LRP2: variants seen among roughly 807,000 people sequenced by gnomAD.
LRP2 encodes the protein low-density lipoprotein receptor-related protein 2.
LRP2 carries 172 observed loss-of-function variants against 531.0 expected under a neutral mutation model. The ratio of observed to expected loss-of-function variants is 0.32; its 90% CI spans 0.29 to 0.37. LRP2 has a LOEUF of 0.37. Among genes scored for constraint, LRP2 ranks in the 10% least tolerant of loss-of-function variants. The pLI, the probability that LRP2 is intolerant of heterozygous loss-of-function variation, is 1.00. For synonymous variants in LRP2, 1,992 were observed against 2,027.6 expected (o/e 0.98, Z 0.47); for missense variants, 5,167 against 5,868.3 (o/e 0.88, Z 3.90).
chr2:169,354,786 G>A (rs542387449), intron 1 of LRP2, among the ~76,000 whole-genome samples: 1 of 152,302 alleles, frequency 6.6e-6, no homozygotes, highest in Admixed American at 6.5e-5. Flanking sequence ...ATGGATACGT[G>A]TTCTACCATT....
chr2:169,349,620 T>C (rs1467902862), intron 1 of LRP2, among the ~76,000 whole-genome samples: 1 of 152,154 alleles, frequency 6.6e-6, no homozygotes, highest in Non-Finnish European at 1.5e-5. Context: ...TGCAATCAGC[T>C]CCTTTGGGGT....
At chr2:169,322,599 C>T (rs180784587) in intron 1 of LRP2, among the ~76,000 whole-genome samples, 48 of 152,228 alleles carry the variant, frequency 3.2e-4, no homozygotes, top group Middle Eastern at 3.4e-3. Flanking sequence ...TTTTGTTCTA[C>T]AAAGCAATAT....
At chr2:169,297,730 T>A (rs76155013) in intron 4 of LRP2, among the ~76,000 whole-genome samples, 1 of 152,136 alleles carries the variant, frequency 6.6e-6, no homozygotes, top group Non-Finnish European at 1.5e-5. Context: ...TCTGTTTACA[T>A]AATCAGGGAG....
intron 1 of LRP2, among the ~76,000 whole-genome samples, chr2:169,351,752 T>C (rs965270416): frequency 2.0e-5 from 3 of 152,238 alleles, no homozygotes; most frequent in Admixed American, 2.0e-4. Context: ...CTAGTCAGTA[T>C]AGTTGTGTTT....
At chr2:169,314,799 G>T (rs1194836899) in intron 3 of LRP2, among the ~76,000 whole-genome samples, 1 of 152,138 alleles carries the variant, frequency 6.6e-6, no homozygotes, top group Non-Finnish European at 1.5e-5. Flanking sequence ...TCTGCCCATG[G>T]CAGAGACACA....
intron 34 of LRP2, among the ~76,000 whole-genome samples, chr2:169,219,764 C>A (rs1688921939): frequency 6.6e-6 from 1 of 152,072 alleles, no homozygotes; most frequent in Non-Finnish European, 1.5e-5. Flanking sequence ...GTACAATATA[C>A]CCATGTAACA....
At chr2:169,176,662 T>A (rs969500036) in intron 53 of LRP2, 74 bp from the exon 54 acceptor site, 1 of 1,338,952 alleles carries the variant, frequency 7.5e-7, no homozygotes. Context: ...TGATTACACA[T>A]CTTGACTTTA....
At position 169,209,563 on chromosome 2, in the gene LRP2, G is replaced by C. The variant is rs1688521484; in HGVS notation, c.6359C>G (p.Ser2120Cys). 6.2e-7 allele frequency: 1 copy of C among 1,614,024 alleles called. No individual in the cohort carries two copies. The highest frequency in any genetic ancestry group is 8.5e-7 in the Non-Finnish European group (1 of 1,180,016). Residue 2120 changes from serine (S) to cysteine (C), a missense_variant, in exon 38 of 79, where the codon TCT becomes TGT. Around this residue, in one of 6 missense-constraint regions of LRP2, gnomAD observed 2,811 missense variants for 3,058.0 expected, o/e 0.92. Coordinates refer to ENST00000649046, the MANE Select transcript of LRP2 (RefSeq NM_004525.3). The stretch of plus-strand genomic sequence containing the variant: ...TTTAATTCTACGGATCGCATTATCA[G>C]ATGCCACTGAGCTGCTAAAATCACA... ...YWCDFSSSVA[S>C]DNAIRRIKPD...
At chr2:169,327,768 C>A (rs1218426017) in intron 1 of LRP2, among the ~76,000 whole-genome samples, 5 of 126,906 alleles carry the variant, frequency 3.9e-5, no homozygotes, top group Non-Finnish European at 6.9e-5. Context: ...GGGGGTCAGC[C>A]CCCCGCCCGG....
intron 10 of LRP2, among the ~76,000 whole-genome samples, chr2:169,281,259 CA>C (rs1465446686): frequency 6.6e-6 from 1 of 151,990 alleles, no homozygotes; most frequent in East Asian, 1.9e-4. Context: ...CTGTTTCTAC[CA>C]AAAATACAAA....
chr2:169,217,761 T>C (rs546517114), intron 34 of LRP2, among the ~76,000 whole-genome samples: 5 of 152,198 alleles, frequency 3.3e-5, no homozygotes, highest in Non-Finnish European at 7.4e-5. Context: ...GTCATTCTAC[T>C]TCATAAATTT....
At chr2:169,254,435 T>C (rs1370842222) in intron 19 of LRP2, among the ~76,000 whole-genome samples, 1 of 70,494 alleles carries the variant, frequency 1.4e-5, no homozygotes, top group Non-Finnish European at 2.5e-5. Context: ...TAGGTGGGAA[T>C]TGAACAATGA....
At position 169,188,157 on chromosome 2, in the gene LRP2, T is replaced by C. The variant is rs1178055779; in HGVS notation, c.9141A>G (p.Lys3047=). The change falls in exon 49 of 79, where the codon AAA becomes AAG. Residue 3047 remains lysine (K), a synonymous_variant. Coordinates refer to ENST00000649046, the MANE Select transcript of LRP2 (RefSeq NM_004525.3). The part of the protein sequence containing the change: ...FTCQNGRCIS[K]TFVCDEDNDC... ...CATTATCCTCATCACAGACGAAGGTTTTACTAATGCAGCGCCCGTTCTGAC... is the reference window on the plus strand; with the variant it reads ...CATTATCCTCATCACAGACGAAGGTCTTACTAATGCAGCGCCCGTTCTGAC... The C allele has an allele frequency of 6.2e-7, 1 of 1,614,054 alleles. No homozygotes were observed. Among genetic ancestry groups the C allele is most frequent in the African/African-American group, 1.3e-5 (1 of 75,012 alleles).
intron 16 of LRP2, among the ~76,000 whole-genome samples, chr2:169,263,859 A>G (rs1316229856): frequency 6.6e-6 from 1 of 152,054 alleles, no homozygotes; most frequent in Non-Finnish European, 1.5e-5. Context: ...ATGTCCAACA[A>G]TGATAGACTG....
chr2:169,256,356 T>C, intron 18 of LRP2, 120 bp from the exon 19 acceptor site: 1 of 686,298 alleles, frequency 1.5e-6, no homozygotes, highest in Middle Eastern at 4.4e-4. Context: ...GTTTTTAAAA[T>C]TTAAATTATA....
intron 1 of LRP2, among the ~76,000 whole-genome samples, chr2:169,335,664 A>G (rs1344296068): frequency 6.6e-6 from 1 of 152,174 alleles, no homozygotes; most frequent in Non-Finnish European, 1.5e-5. Context: ...AAGAAAAAAA[A>G]AGGAAGTTCA....
In LRP2 at chr2:169,279,161, T is replaced by TG. The variant is rs199685552; in HGVS notation, c.1565+210dup. Among the ~76,000 whole-genome samples, 1,010 of 152,314 alleles carry TG rather than the reference T, an allele frequency of 6.6e-3. 9 individuals are homozygous for TG. Among genetic ancestry groups the TG allele is most frequent in the African/African-American group, 0.023 (964 of 41,570 alleles). On this transcript the variant is annotated intron_variant, in intron 12 of 78. Transcript: ENST00000649046. ...AGTATTTTTAGTACACCACTAGGTG[T>TG]GTTTGGGTAACATGTCCTCAAATAG...
chr2:169,273,089 G>T lies in LRP2; in HGVS notation c.1976-22C>A, dbSNP rs199740042. On this transcript the variant is annotated intron_variant, in intron 14 of 78. Coordinates refer to ENST00000649046, the MANE Select transcript of LRP2 (RefSeq NM_004525.3). ...GTAGCTGGAAGGAAAAATGCACAGG[G>T]TTAAATTGCAATTAGAAATGTGTAA... 2.0e-4 allele frequency: 327 copies of T among 1,613,178 alleles called. No individual in the cohort carries two copies. The African/African-American group carries it at 4.1e-3, about 20-fold the overall frequency.
chr2:169,306,263 G>A (rs1684415104), intron 4 of LRP2, among the ~76,000 whole-genome samples: 1 of 152,178 alleles, frequency 6.6e-6, no homozygotes, highest in South Asian at 2.1e-4. Context: ...GCCAGACACA[G>A]TGGCTCATGC....
Sources: allele counts gnomAD v4.1 joint callset (sites outside exome capture counted in the v4.1 genomes callset), GRCh38; gene constraint gnomAD v4.1.1; regional missense constraint gnomAD v4.1.1; transcripts MANE v1.5; gene names NCBI Gene and HGNC (gene_info 2026-07-23, HGNC 2026-07-21).